Variants in IL17RA observed in about 807,000 individuals in gnomAD.
IL17RA encodes the protein interleukin-17 receptor A.
Under a neutral mutation model 50.4 loss-of-function variants are expected in IL17RA, and 34 were observed. The ratio of observed to expected loss-of-function variants is 0.67; its 90% CI spans 0.51 to 0.90. The LOEUF is 0.90. IL17RA is among the 40% of genes least tolerant of loss of function. IL17RA has a pLI of 0.00. For missense variants in IL17RA, 1,276 were observed against 1,169.8 expected (o/e 1.09, Z -1.32); for synonymous variants, 585 against 510.4 (o/e 1.15, Z -1.97).
Position 17,109,468 on chromosome 22 carries a change from G to A in IL17RA, c.2249G>A (p.Gly750Asp). The change falls in exon 13 of 13, where the codon GGC becomes GAC. Residue 750 changes from glycine (G) to aspartate (D), a missense_variant. Physicochemically the swap from Gly to Asp is moderately conservative, Grantham distance 94. Coordinates refer to ENST00000319363, the MANE Select transcript of IL17RA (RefSeq NM_014339.7). Reference sequence around the variant, plus strand: ...GAGGACGTGAGGGAGCACCTCGAAGGCTTGATGCTCTCGCTCTTCGAGCAG... The same window carrying A: ...GAGGACGTGAGGGAGCACCTCGAAGACTTGATGCTCTCGCTCTTCGAGCAG... ...LPEDVREHLE[G>D]LMLSLFEQSL... 1.2e-6 allele frequency: 2 copies of A among 1,612,820 alleles called. No homozygotes were observed. Among genetic ancestry groups the A allele is most frequent in the Admixed American group, 1.7e-5 (1 of 59,938 alleles).
At chr22:17,086,962 A>G (rs1046650151) in intron 1 of IL17RA, among the ~76,000 whole-genome samples, 6 of 152,206 alleles carry the variant, frequency 3.9e-5, no homozygotes, top group Admixed American at 3.9e-4. Context: ...CAGTGAAGCA[A>G]CTGTAAGTCA....
At chr22:17,093,418 C>G (rs898101271) in intron 1 of IL17RA, among the ~76,000 whole-genome samples, 6 of 152,192 alleles carry the variant, frequency 3.9e-5, no homozygotes, top group African/African-American at 1.4e-4. Context: ...CTCCCTGCCC[C>G]TAAGCCCTGA....
intron 1 of IL17RA, among the ~76,000 whole-genome samples, chr22:17,089,418 A>T (rs1490978433): frequency 6.6e-6 from 1 of 152,176 alleles, no homozygotes; most frequent in Admixed American, 6.5e-5. Context: ...AATGAGATAT[A>T]TGTACAAAGT....
chr22:17,089,871 C>CA (rs1440044982), intron 1 of IL17RA, among the ~76,000 whole-genome samples: 4,687 of 145,012 alleles, frequency 0.032, 230 homozygotes, highest in African/African-American at 0.12. Flanking sequence ...AAAAAACAAA[C>CA]AAACAAAAAA....
intron 1 of IL17RA, among the ~76,000 whole-genome samples, chr22:17,087,772 G>A (rs2061333594): frequency 2.0e-5 from 3 of 152,186 alleles, no homozygotes; most frequent in East Asian, 3.8e-4. Flanking sequence ...TCCCATGACC[G>A]CCAGCCTGGA....
chr22:17,110,023 G>T lies in IL17RA; in HGVS notation c.*203G>T. 1.6e-6 allele frequency: 1 copy of T among 609,640 alleles called. No homozygotes were observed. The highest frequency in any genetic ancestry group is 2.0e-5 in the South Asian group (1 of 50,474). 37.8% of individuals were successfully genotyped at this position (609,640 alleles called of 1,614,324 possible). On this transcript the variant is annotated 3_prime_UTR_variant, in exon 13 of 13. Coordinates refer to ENST00000319363, the MANE Select transcript of IL17RA (RefSeq NM_014339.7). Reference sequence around the variant, plus strand: ...GTCTGGTTATCGTCTATCCCCAGGGGAATCCACACAGCCCGCTCCCAGGAG... The same window carrying T: ...GTCTGGTTATCGTCTATCCCCAGGGTAATCCACACAGCCCGCTCCCAGGAG...
rs2061442384 is a variant in IL17RA at position 17,111,444 on chromosome 22, G to A, written c.*1624G>A. 6.6e-6 allele frequency: 1 copy of A among 152,192 alleles called. No homozygotes were observed. The highest frequency in any genetic ancestry group is 1.5e-5 in the Non-Finnish European group (1 of 68,046). 9.4% of individuals were successfully genotyped at this position (152,192 alleles called of 1,614,324 possible). A position where few individuals can be genotyped will look rare whatever the true frequency, so the allele number is the denominator to read the frequency against. ...CAGTGAAGATCTGGGCAGACCTTGT[G>A]TGGGGAAGGGGTGCTGCTGTGACTT... On this transcript the variant is annotated 3_prime_UTR_variant, in exon 13 of 13. Coordinates refer to ENST00000319363, the MANE Select transcript of IL17RA (RefSeq NM_014339.7).
At chr22:17,098,703 G>A (rs1213975523) in intron 3 of IL17RA, 72 bp from the exon 4 acceptor site, 1 of 1,192,586 alleles carries the variant, frequency 8.4e-7, no homozygotes, top group Non-Finnish European at 1.2e-6. Context: ...GCAACAGATA[G>A]GGAAGTGACA....
Position 17,109,249 on chromosome 22 carries a change from TGGTGGCCGC to T in IL17RA, c.2036_2044del (p.Ala679_Val681del). Reference sequence around the variant, plus strand: ...GTGCTCGCCGCAGAGGAGGGGGCCCTGGTGGCCGCGGTGGAGCCTGGGCCCCTGGCTGAC... The same window carrying T: ...GTGCTCGCCGCAGAGGAGGGGGCCCTGGTGGAGCCTGGGCCCCTGGCTGAC... On this transcript the variant is annotated inframe_deletion, in exon 13 of 13. Transcript: ENST00000319363. 1 of 1,491,766 alleles carries T rather than the reference TGGTGGCCGC, an allele frequency of 6.7e-7. No individual in the cohort carries two copies. The highest frequency in any genetic ancestry group is 8.9e-7 in the Non-Finnish European group (1 of 1,126,942). The allele number at this position is 1,491,766 out of a possible 1,614,324, so 92.4% of individuals were successfully genotyped here.
intron 1 of IL17RA, among the ~76,000 whole-genome samples, chr22:17,095,472 T>C (rs1044529630): frequency 6.6e-6 from 1 of 152,188 alleles, no homozygotes; most frequent in African/African-American, 2.4e-5. Flanking sequence ...CAAGAGCTTT[T>C]CATCATGGGC....
rs2061441357 is a variant in IL17RA at position 17,111,205 on chromosome 22, G to A, written c.*1385G>A. On this transcript the variant is annotated 3_prime_UTR_variant, in exon 13 of 13. Transcript: ENST00000319363. Reference sequence around the variant, plus strand: ...GAGAGGCTGAGGGCTAAACACAGCTGGATGTCACCTGAGTTCATTTATAGG... The same window carrying A: ...GAGAGGCTGAGGGCTAAACACAGCTAGATGTCACCTGAGTTCATTTATAGG... The A allele has an allele frequency of 1.3e-5, 2 of 152,250 alleles. No individual in the cohort carries two copies. Among genetic ancestry groups the A allele is most frequent in the African/African-American group, 4.8e-5 (2 of 41,434 alleles). 9.4% of individuals were successfully genotyped at this position (152,250 alleles called of 1,614,324 possible).
chr22:17,109,568 G>A lies in IL17RA; in HGVS notation c.2349G>A (p.Glu783=), dbSNP rs1344948045. 1 of 1,601,012 alleles carries A rather than the reference G, an allele frequency of 6.2e-7. No individual in the cohort carries two copies. ...MVLTDPHTPY[E]EEQRQSVQSD... The stretch of plus-strand genomic sequence containing the variant: ...TCACAGACCCACACACGCCCTACGA[G>A]GAGGAGCAGCGGCAGTCAGTGCAGT... The change falls in exon 13 of 13, where the codon GAG becomes GAA. Residue 783 remains glutamate, a synonymous_variant. Transcript: ENST00000319363.
In IL17RA at chr22:17,114,909, A is replaced by G. The variant is rs2061460932; in HGVS notation, c.*5089A>G. The stretch of plus-strand genomic sequence containing the variant: ...CTTTCTCGGCCTCAGGAAAATGGAG[A>G]GAAAGCAGCCCTGAAGGTGGCTGTG... On this transcript the variant is annotated 3_prime_UTR_variant, in exon 13 of 13. Coordinates refer to ENST00000319363, the MANE Select transcript of IL17RA (RefSeq NM_014339.7). 1 of 152,346 alleles carries G rather than the reference A, an allele frequency of 6.6e-6. No homozygotes were observed. The highest frequency in any genetic ancestry group is 1.9e-4 in the East Asian group (1 of 5,184). The allele number at this position is 152,346 out of a possible 1,614,324, so 9.4% of individuals were successfully genotyped here. A position where few individuals can be genotyped will look rare whatever the true frequency, so the allele number is the denominator to read the frequency against.
Position 17,098,604 on chromosome 22 carries a change from C to T in IL17RA, c.311-171C>T, listed in dbSNP as rs150569017. ...AGCTGGGAAATAACTGTCTGCAAGG[C>T]GGTAGGCTGAGGCCAGAGAGTGAAC... On this transcript the variant is annotated intron_variant, in intron 3 of 12. Coordinates refer to ENST00000319363, the MANE Select transcript of IL17RA (RefSeq NM_014339.7). 8.5e-5 allele frequency among the ~76,000 whole-genome samples: 13 copies of T among 152,282 alleles called. No individual in the cohort carries two copies. In the East Asian group the frequency reaches 9.6e-4, roughly 11 times the overall value.
chr22:17,108,433 C>G lies in IL17RA; in HGVS notation c.1214C>G (p.Ala405Gly), dbSNP rs755892857. The change falls in exon 13 of 13, where the codon GCC becomes GGC. Residue 405 changes from alanine to glycine, a missense_variant. By Grantham distance (60) the Ala-to-Gly change is moderately conservative. Coordinates refer to ENST00000319363, the MANE Select transcript of IL17RA (RefSeq NM_014339.7). ...VLKFAQFLLT[A>G]CGTEVALDLL... is the part of the protein sequence containing the mutation. ...AAATTCGCCCAGTTCCTGCTCACCG[C>G]CTGCGGCACGGAAGTGGCCCTGGAC... 3.1e-6 allele frequency: 5 copies of G among 1,614,050 alleles called. No individual in the cohort carries two copies. The East Asian group carries it at 1.1e-4, about 36-fold the overall frequency.
At chr22:17,085,976 C>T (rs921779327) in intron 1 of IL17RA, among the ~76,000 whole-genome samples, 1 of 152,134 alleles carries the variant, frequency 6.6e-6, no homozygotes, top group African/African-American at 2.4e-5. Flanking sequence ...TCCCGCCACT[C>T]CCACCCCCGA....
At position 17,108,789 on chromosome 22, in the gene IL17RA, C is replaced by G; in HGVS notation, c.1570C>G (p.Pro524Ala). Residue 524 changes from proline to alanine, a missense_variant, in exon 13 of 13, where the codon CCG becomes GCG. By Grantham distance (27) the Pro-to-Ala change is conservative. Coordinates refer to ENST00000319363, the MANE Select transcript of IL17RA (RefSeq NM_014339.7). ...CCTGTTCGGCGCGGCGCCGCGGTAC[C>G]CGCTCATGGACAGGTTCGAGGAGGT... ...PDLFGAAPRY[P>A]LMDRFEEVYF... The G allele has an allele frequency of 6.2e-7, 1 of 1,608,048 alleles. No individual in the cohort carries two copies. The highest frequency in any genetic ancestry group is 2.2e-5 in the East Asian group (1 of 44,524).
rs781359288 is a variant in IL17RA at position 17,099,692 on chromosome 22, C to T, written c.424-663C>T. Among the ~76,000 whole-genome samples the T allele has an allele frequency of 9.9e-5, 15 of 152,280 alleles. No homozygotes were observed. In the South Asian group the frequency reaches 1.0e-3, roughly 11 times the overall value. On this transcript the variant is annotated intron_variant, in intron 4 of 12. Transcript: ENST00000319363. ...AGGACCCCCAAACTTGACTGCTATG[C>T]GAATGGTGAGAACCAGGTTCCTCCG...
chr22:17,104,712 C>T lies in IL17RA; in HGVS notation c.847-14C>T. Reference sequence around the variant, plus strand: ...ACAGTTCTGGAGCCCTTTTCCTGCCCTCTCTGCCCGCAGATCCAGCCCTTC... The same window carrying T: ...ACAGTTCTGGAGCCCTTTTCCTGCCTTCTCTGCCCGCAGATCCAGCCCTTC... On this transcript the variant is annotated splice_polypyrimidine_tract_variant and intron_variant, in intron 8 of 12. Coordinates refer to ENST00000319363, the MANE Select transcript of IL17RA (RefSeq NM_014339.7). The T allele has an allele frequency of 1.9e-6, 3 of 1,613,666 alleles. No homozygotes were observed. Among genetic ancestry groups the T allele is most frequent in the Non-Finnish European group, 2.5e-6 (3 of 1,179,668 alleles).
Sources: gnomAD v4.1 joint callset for allele counts (sites outside exome capture counted in the v4.1 genomes callset) on GRCh38, gnomAD v4.1.1 for gene constraint, MANE v1.5 for transcripts, NCBI Gene and HGNC (gene_info 2026-07-23, HGNC 2026-07-21) for gene names.